Variants in MFRP observed in about 807,000 individuals in gnomAD.
The protein encoded by MFRP is C1q and TNF related 5.
A neutral mutation model predicts 65.8 loss-of-function variants in MFRP; 74 were observed. The ratio of observed to expected loss-of-function variants is 1.12; its 90% CI spans 0.93 to 1.36. The LOEUF (loss-of-function observed/expected upper bound fraction) is 1.36. MFRP is among the 40% of genes most tolerant of loss of function. MFRP has a pLI of 0.00. For missense variants in MFRP, 838 were observed against 736.0 expected, an observed-to-expected ratio of 1.14 and a Z score of -1.60; for synonymous variants, 336 against 288.3, an observed-to-expected ratio of 1.17 and a Z score of -1.68.
At chr11:119,344,171 A>T (rs920447350) in intron 8 of MFRP, 144 bp downstream of exon 8, 1 of 965,102 alleles carries the variant, frequency 1.0e-6, no homozygotes, top group African/African-American at 1.6e-5. Context: ...GGCACTTAAT[A>T]ATATTCCCCC....
chr11:119,339,735 G>A lies in MFRP; in HGVS notation c.*1224C>T. 3 of 1,598,760 alleles carry A rather than the reference G, an allele frequency of 1.9e-6. No individual in the cohort carries two copies. Among genetic ancestry groups the A allele is most frequent in the South Asian group, 1.1e-5 (1 of 90,952 alleles). On this transcript the variant is annotated 3_prime_UTR_variant, in exon 15 of 15. Coordinates refer to ENST00000619721, the MANE Select transcript of MFRP (RefSeq NM_031433.4). This position sits in a 1 kb window ranked among gnomAD's most constrained non-coding sequence, Gnocchi z 5.4. ...GGCGGAGGCACCCGGCTCTCGGAGC[G>A]CTTGGCGCTGAAGGCGGATCGCGGA...
Position 119,345,913 on chromosome 11 carries a change from G to A in MFRP, c.287C>T (p.Pro96Leu). 6.2e-7 allele frequency: 1 copy of A among 1,613,704 alleles called. No homozygotes were observed. The highest frequency in any genetic ancestry group is 8.5e-7 in the Non-Finnish European group (1 of 1,179,850). Residue 96 changes from proline to leucine, a missense_variant, in exon 4 of 15, where the codon CCC becomes CTC. Physicochemically the swap from Pro to Leu is moderately conservative, Grantham distance 98. Coordinates refer to ENST00000619721, the MANE Select transcript of MFRP (RefSeq NM_031433.4). ...AIILAQLQAAPPSGASHSPLP... is the reference protein window; with the variant it reads ...AIILAQLQAALPSGASHSPLP... ...TGGGCTATGGGACGCCCCAGATGGG[G>A]GTGCAGCCTGCAGCTCTGGAGGCGA...
At chr11:119,344,486 C>T in intron 7 of MFRP, 95 bp from the exon 8 acceptor site, 1 of 1,559,964 alleles carries the variant, frequency 6.4e-7, no homozygotes. Flanking sequence ...TTTGGCCATG[C>T]CCATGGGAAA....
intron 9 of MFRP, 147 bp from the exon 10 acceptor site, chr11:119,343,150 C>A: frequency 1.0e-6 from 1 of 985,610 alleles, no homozygotes; most frequent in Non-Finnish European, 1.5e-6. Context: ...GCGAGAAAGA[C>A]ACATATATTC....
chr11:119,346,015 C>A (rs571368778), intron 3 of MFRP, 31 bp downstream of exon 3: 3 of 1,612,886 alleles, frequency 1.9e-6, no homozygotes, highest in Admixed American at 3.3e-5. Context: ...CATTCCAAAG[C>A]CCTCGTTTCA....
Position 119,339,328 on chromosome 11 carries a change from G to C in MFRP, c.*1631C>G. On this transcript the variant is annotated 3_prime_UTR_variant, in exon 15 of 15. Coordinates refer to ENST00000619721, the MANE Select transcript of MFRP (RefSeq NM_031433.4). The surrounding 1 kb of genome is among the most constrained non-coding windows in gnomAD (Gnocchi z 5.4). ...AGAGCATGAGCTCACTTTGCAGTGGGCACTAAGCAAAGACTGGGGAGCTGT... is the reference window on the plus strand; with the variant it reads ...AGAGCATGAGCTCACTTTGCAGTGGCCACTAAGCAAAGACTGGGGAGCTGT... 1 of 1,611,950 alleles carries C rather than the reference G, an allele frequency of 6.2e-7. No homozygotes were observed.
At chr11:119,345,124 A>G (rs1950547370) in intron 5 of MFRP, 120 bp from the exon 6 acceptor site, 1 of 1,344,140 alleles carries the variant, frequency 7.4e-7, no homozygotes, top group Non-Finnish European at 1.0e-6. Context: ...ATGTGGTCAA[A>G]AAGGCTCCTC....
At chr11:119,345,107 G>T in intron 5 of MFRP, 103 bp from the exon 6 acceptor site, 2 of 1,461,948 alleles carry the variant, frequency 1.4e-6, no homozygotes, top group Non-Finnish European at 9.3e-7. Flanking sequence ...CCCCCAAACT[G>T]GTGACCATGT....
chr11:119,344,516 T>A, intron 7 of MFRP, 116 bp downstream of exon 7: 3 of 1,590,042 alleles, frequency 1.9e-6, no homozygotes, highest in Non-Finnish European at 2.6e-6. Flanking sequence ...GGCCAAAGAA[T>A]GACTGAGCAG....
chr11:119,339,683 C>T lies in MFRP; in HGVS notation c.*1276G>A. 6.2e-7 allele frequency: 1 copy of T among 1,610,122 alleles called. No homozygotes were observed. On this transcript the variant is annotated 3_prime_UTR_variant, in exon 15 of 15. Transcript: ENST00000619721. This position sits in a 1 kb window ranked among gnomAD's most constrained non-coding sequence, Gnocchi z 5.4. ...ATGTCCCTGCTCGTTCACCAGCACG[C>T]GGTCGAAGGGCAAGGGTGCGTCAGA...
Position 119,345,885 on chromosome 11 carries a change from CAGTGGG to C in MFRP, c.309_314del (p.Ser103_Leu105delinsArg), listed in dbSNP as rs1565296016. ...TGGTCGTGGTAAGGCCTCCGGCAGG[CAGTGGG>C]CTATGGGACGCCCCAGATGGGGGTG... On this transcript the variant is annotated inframe_deletion, in exon 4 of 15. Coordinates refer to ENST00000619721, the MANE Select transcript of MFRP (RefSeq NM_031433.4). The C allele has an allele frequency of 6.2e-7, 1 of 1,613,490 alleles. No individual in the cohort carries two copies. Among genetic ancestry groups the C allele is most frequent in the Non-Finnish European group, 8.5e-7 (1 of 1,179,780 alleles).
intron 9 of MFRP, 89 bp downstream of exon 9, chr11:119,343,727 G>A: frequency 1.3e-6 from 2 of 1,528,256 alleles, no homozygotes; most frequent in Non-Finnish European, 9.0e-7. Context: ...AATGAAGCTG[G>A]AGAATGGAAT....
chr11:119,339,778 G>C lies in MFRP; in HGVS notation c.*1181C>G, dbSNP rs1187454408. 4 of 1,542,186 alleles carry C rather than the reference G, an allele frequency of 2.6e-6. No homozygotes were observed. In the African/African-American group the frequency reaches 4.1e-5, roughly 16 times the overall value. Reference sequence around the variant, plus strand: ...ATCGCGGAGGCACCGAGCACTCCCCGGCAGGCCCGGTGGGCCCCGCGGGTC... The same window carrying C: ...ATCGCGGAGGCACCGAGCACTCCCCCGCAGGCCCGGTGGGCCCCGCGGGTC... On this transcript the variant is annotated 3_prime_UTR_variant, in exon 15 of 15. Coordinates refer to ENST00000619721, the MANE Select transcript of MFRP (RefSeq NM_031433.4). The surrounding 1 kb of genome is among the most constrained non-coding windows in gnomAD (Gnocchi z 5.4).
intron 5 of MFRP, 118 bp from the exon 6 acceptor site, chr11:119,345,122 A>C: frequency 7.4e-7 from 1 of 1,354,118 alleles, no homozygotes; most frequent in Admixed American, 2.1e-5. Flanking sequence ...CCATGTGGTC[A>C]AAAAGGCTCC....
Position 119,342,631 on chromosome 11 carries a change from T to A in MFRP, c.1352A>T (p.Asp451Val), listed in dbSNP as rs774312463. Residue 451 changes from aspartate to valine, a missense_variant, in exon 11 of 15, where the codon GAT becomes GTT. Asp to Val is a radical substitution (Grantham distance 152). Coordinates refer to ENST00000619721, the MANE Select transcript of MFRP (RefSeq NM_031433.4). ...DMWRDCTDGS[D>V]DNCSGPLFPP... ...GAACAAGGGGCCGCTGCAGTTGTCA[T>A]CGCTGCCATCGGTGCAGTCTCTCCA... is the stretch of plus-strand genomic sequence containing the variant. 2.7e-5 allele frequency: 43 copies of A among 1,613,474 alleles called. No individual in the cohort carries two copies. The highest frequency in any genetic ancestry group is 3.5e-5 in the Non-Finnish European group (41 of 1,179,950).
In MFRP at chr11:119,346,143, C is replaced by G. The variant is rs200989572; in HGVS notation, c.174G>C (p.Gly58=). The change falls in exon 3 of 15, where the codon GGG becomes GGC. Residue 58 remains glycine, a synonymous_variant. Coordinates refer to ENST00000619721, the MANE Select transcript of MFRP (RefSeq NM_031433.4). Reference sequence around the variant, plus strand: ...AGGAGAAGCGGCAGTCTGGCCGTAGCCCTCGAGGACGCCGACCTGCGGGTT... The same window carrying G: ...AGGAGAAGCGGCAGTCTGGCCGTAGGCCTCGAGGACGCCGACCTGCGGGTT... The part of the protein sequence containing the change: ...PAPWHGRRPR[G]LRPDCRFSWL... The G allele has an allele frequency of 6.3e-7, 1 of 1,596,304 alleles. No homozygotes were observed. Among genetic ancestry groups the G allele is most frequent in the Admixed American group, 1.8e-5 (1 of 56,794 alleles).
Position 119,344,754 on chromosome 11 carries a change from C to A in MFRP, c.776G>T (p.Ser259Ile). The change falls in exon 7 of 15, where the codon AGC becomes ATC. Residue 259 changes from serine to isoleucine, a missense_variant. Physicochemically the swap from Ser to Ile is moderately radical, Grantham distance 142. Coordinates refer to ENST00000619721, the MANE Select transcript of MFRP (RefSeq NM_031433.4). The stretch of plus-strand genomic sequence containing the variant: ...ACAGCGGAACTCATCATGGGCACAG[C>A]TCCCTGGATGTGGGCACCAGGAGTC... ...WYQAMAPGRG[S>I]CAHDEFRCDQ... 1 of 1,613,986 alleles carries A rather than the reference C, an allele frequency of 6.2e-7. No homozygotes were observed. Among genetic ancestry groups the A allele is most frequent in the Non-Finnish European group, 8.5e-7 (1 of 1,180,026 alleles).
rs142248522 is a variant in MFRP, at chr11:119,342,601, G to T, written c.1382C>A (p.Pro461His). ...CCCAGGGGCAGGCTTCTCACCTGGG[G>T]GTGGGAACAAGGGGCCGCTGCAGTT... Reference protein sequence around the residue: ...DDNCSGPLFPPPELACEPVQV... With the variant: ...DDNCSGPLFPHPELACEPVQV... Residue 461 changes from proline (P) to histidine (H), a missense_variant, in exon 11 of 15, where the codon CCC (proline) becomes CAC (histidine). Physicochemically the swap from Pro to His is moderately conservative, Grantham distance 77. Coordinates refer to ENST00000619721, the MANE Select transcript of MFRP (RefSeq NM_031433.4). 1.2e-6 allele frequency: 2 copies of T among 1,613,186 alleles called. No homozygotes were observed. Among genetic ancestry groups the T allele is most frequent in the Non-Finnish European group, 1.7e-6 (2 of 1,179,848 alleles).
rs200251814 is a variant in MFRP, at chr11:119,345,564, G to A, written c.497C>T (p.Pro166Leu). Residue 166 changes from proline (P) to leucine (L), a missense_variant, in exon 5 of 15, where the codon CCC becomes CTC. Pro to Leu is a moderately conservative substitution (Grantham distance 98). Coordinates refer to ENST00000619721, the MANE Select transcript of MFRP (RefSeq NM_031433.4). ...GATATGCCACACGCAGTGGGTGTTGGGGGGGTAAGGGTCTGGGTAGTTAGG... is the reference window on the plus strand; with the variant it reads ...GATATGCCACACGCAGTGGGTGTTGAGGGGGTAAGGGTCTGGGTAGTTAGG... ...SSPNYPDPYP[P>L]NTHCVWHIQV... The A allele has an allele frequency of 4.2e-5, 67 of 1,613,922 alleles. No individual in the cohort carries two copies. The highest frequency in any genetic ancestry group is 5.3e-5 in the Non-Finnish European group (62 of 1,179,986).
Sources: allele counts gnomAD v4.1 joint callset, GRCh38; gene constraint gnomAD v4.1.1; non-coding constraint Gnocchi (gnomAD v3.1); transcripts MANE v1.5; gene names NCBI Gene and HGNC (gene_info 2026-07-23, HGNC 2026-07-21).